The following FUT9 variants were observed in gnomAD, a reference collection of about 807,000 sequenced individuals.
The protein encoded by FUT9 is fucosyltransferase 9, also known as 4-galactosyl-N-acetylglucosaminide 3-alpha-L-fucosyltransferase 9.
Under a neutral mutation model 29.7 loss-of-function variants are expected in FUT9, and 15 were observed. That is an observed-to-expected ratio of 0.51 (90% CI 0.34 to 0.78). FUT9 has a LOEUF of 0.78. Ranked by LOEUF, FUT9 falls within the 30% of genes least tolerant of loss-of-function variation. The pLI, the probability that FUT9 is intolerant of heterozygous loss-of-function variation, is 0.01. For missense variants in FUT9, 319 were observed against 425.4 expected, an observed-to-expected ratio of 0.75 and a Z score of 2.20; for synonymous variants, 169 against 153.7, an observed-to-expected ratio of 1.10 and a Z score of -0.74.
In FUT9 at chr6:96,109,993, G is replaced by A. The variant is rs1771767356; in HGVS notation, c.-97-4046G>A. Reference sequence around the variant, plus strand: ...TGAACATGCAGTGCTTGTTACTGTCGTGGGACTTTGCACTTTGTGTCTACT... The same window carrying A: ...TGAACATGCAGTGCTTGTTACTGTCATGGGACTTTGCACTTTGTGTCTACT... On this transcript the variant is annotated intron_variant, in intron 1 of 2. Coordinates refer to ENST00000302103, the MANE Select transcript of FUT9 (RefSeq NM_006581.4). Among the ~76,000 whole-genome samples, 3 of 152,092 alleles carry A rather than the reference G, an allele frequency of 2.0e-5. No homozygotes were observed. The South Asian group carries it at 6.2e-4, about 32-fold the overall frequency.
intron 2 of FUT9, among the ~76,000 whole-genome samples, chr6:96,159,842 T>C (rs1377543385): frequency 6.6e-6 from 1 of 152,216 alleles, no homozygotes; most frequent in African/African-American, 2.4e-5. Flanking sequence ...ACTGTCTTGA[T>C]AAACTGCATC....
intron 2 of FUT9, among the ~76,000 whole-genome samples, chr6:96,161,726 T>C (rs1471058875): frequency 1.3e-5 from 2 of 152,204 alleles, no homozygotes; most frequent in Non-Finnish European, 2.9e-5. Flanking sequence ...GTATTATACA[T>C]TATGCAGATA....
intron 1 of FUT9, among the ~76,000 whole-genome samples, chr6:96,042,098 C>T (rs1009853938): frequency 1.3e-5 from 2 of 152,094 alleles, no homozygotes; most frequent in African/African-American, 2.4e-5. Context: ...CCCACCATCC[C>T]GACATCCCTA....
intron 2 of FUT9, among the ~76,000 whole-genome samples, chr6:96,152,944 G>A (rs548218112): frequency 6.6e-6 from 1 of 152,292 alleles, no homozygotes; most frequent in African/African-American, 2.4e-5. Flanking sequence ...CCTCACAGAG[G>A]ATAGGCAAAC....
At chr6:96,058,587 T>C (rs1008469152) in intron 1 of FUT9, among the ~76,000 whole-genome samples, 3 of 151,158 alleles carry the variant, frequency 2.0e-5, no homozygotes, top group Non-Finnish European at 4.4e-5. Context: ...GCTAAATGCA[T>C]AATAATTTCA....
At chr6:96,200,919 A>G (rs1773716137) in intron 2 of FUT9, among the ~76,000 whole-genome samples, 1 of 151,990 alleles carries the variant, frequency 6.6e-6, no homozygotes, top group Non-Finnish European at 1.5e-5. Context: ...ATCTATTTCT[A>G]ATATTTATTA....
In FUT9 at chr6:96,210,640, A is replaced by G. The variant is rs1312846716; in HGVS notation, c.*6405A>G. 6.0e-6 allele frequency: 1 copy of G among 166,922 alleles called. No homozygotes were observed. The highest frequency in any genetic ancestry group is 6.6e-5 in the Admixed American group (1 of 15,248). 10.3% of individuals were successfully genotyped at this position (166,922 alleles called of 1,614,324 possible). A position where few individuals can be genotyped will look rare whatever the true frequency, so the allele number is the denominator to read the frequency against. ...AATTTGCTTTCTAGGTTCTAACTGCATGTTTATATTTTGCAACAGGAAAGA... is the reference window on the plus strand; with the variant it reads ...AATTTGCTTTCTAGGTTCTAACTGCGTGTTTATATTTTGCAACAGGAAAGA... On this transcript the variant is annotated 3_prime_UTR_variant, in exon 3 of 3. Coordinates refer to ENST00000302103, the MANE Select transcript of FUT9 (RefSeq NM_006581.4).
intron 2 of FUT9, among the ~76,000 whole-genome samples, chr6:96,176,762 C>T (rs1460738506): frequency 2.6e-5 from 4 of 152,064 alleles, no homozygotes; most frequent in Non-Finnish European, 5.9e-5. Context: ...GGTTCTGCGG[C>T]CGGGATAATT....
At chr6:96,113,248 C>CT (rs751961829) in intron 1 of FUT9, among the ~76,000 whole-genome samples, 92 of 151,672 alleles carry the variant, frequency 6.1e-4, no homozygotes, top group Middle Eastern at 3.4e-3. Flanking sequence ...TATTCAATAA[C>CT]TTTTTTTTGA....
At chr6:96,066,299 T>C (rs1366651535) in intron 1 of FUT9, among the ~76,000 whole-genome samples, 2 of 151,818 alleles carry the variant, frequency 1.3e-5, no homozygotes, top group Non-Finnish European at 2.9e-5. Flanking sequence ...ATTTAATACA[T>C]TTGTATATCA....
chr6:96,019,857 A>C lies in FUT9; in HGVS notation c.-98+3645A>C, dbSNP rs547511046. On this transcript the variant is annotated intron_variant, in intron 1 of 2. Coordinates refer to ENST00000302103, the MANE Select transcript of FUT9 (RefSeq NM_006581.4). Reference sequence around the variant, plus strand: ...TACTAATGACTTGCTCAAAGTTTCAAAGTAGTTAATAGAAACAGAATTCAA... The same window carrying C: ...TACTAATGACTTGCTCAAAGTTTCACAGTAGTTAATAGAAACAGAATTCAA... Among the ~76,000 whole-genome samples the C allele has an allele frequency of 2.0e-5, 3 of 152,236 alleles. No homozygotes were observed. The South Asian group carries it at 6.2e-4, about 32-fold the overall frequency.
intron 2 of FUT9, among the ~76,000 whole-genome samples, chr6:96,125,510 T>C (rs1772117854): frequency 6.6e-6 from 1 of 152,214 alleles, no homozygotes; most frequent in South Asian, 2.1e-4. Context: ...AGTCACTGTG[T>C]CGGCACTTAA....
chr6:96,200,866 A>T (rs1773715231), intron 2 of FUT9, among the ~76,000 whole-genome samples: 1 of 152,110 alleles, frequency 6.6e-6, no homozygotes, highest in Non-Finnish European at 1.5e-5. Flanking sequence ...TTAGGATCAA[A>T]TGCAACTAAA....
chr6:96,038,503 A>T (rs530917607), intron 1 of FUT9, among the ~76,000 whole-genome samples: 6 of 152,220 alleles, frequency 3.9e-5, no homozygotes, highest in South Asian at 2.1e-4. Context: ...CTTCCTTTAA[A>T]TTTTTTCTAT....
chr6:96,154,042 T>C (rs1772730206), intron 2 of FUT9, among the ~76,000 whole-genome samples: 2 of 152,156 alleles, frequency 1.3e-5, no homozygotes, highest in Admixed American at 6.5e-5. Flanking sequence ...TCAATATGAG[T>C]GAGAGGAAAA....
chr6:96,017,199 G>A (rs1294975477), intron 1 of FUT9, among the ~76,000 whole-genome samples: 1 of 152,154 alleles, frequency 6.6e-6, no homozygotes, highest in Non-Finnish European at 1.5e-5. Flanking sequence ...CTTTGAAATT[G>A]CAATAAGCCA....
In FUT9 at chr6:96,195,742, T is replaced by G. The variant is rs1054687169; in HGVS notation, c.-8-7406T>G. ...TTAGCATAAAAATTGTAGCCAGGAGTAAAAGCAAAATAAAACAATAACCAA... is the reference window on the plus strand; with the variant it reads ...TTAGCATAAAAATTGTAGCCAGGAGGAAAAGCAAAATAAAACAATAACCAA... On this transcript the variant is annotated intron_variant, in intron 2 of 2. Coordinates refer to ENST00000302103, the MANE Select transcript of FUT9 (RefSeq NM_006581.4). Among the ~76,000 whole-genome samples the G allele has an allele frequency of 2.6e-5, 4 of 151,996 alleles. No individual in the cohort carries two copies. The East Asian group carries it at 7.7e-4, about 29-fold the overall frequency.
At chr6:96,094,486 T>C (rs1049361814) in intron 1 of FUT9, among the ~76,000 whole-genome samples, 2 of 152,140 alleles carry the variant, frequency 1.3e-5, no homozygotes, top group African/African-American at 4.8e-5. Context: ...AATCGTATGC[T>C]GAGGTTGCAA....
chr6:96,060,623 G>T (rs2127943567), intron 1 of FUT9, among the ~76,000 whole-genome samples: 1 of 151,018 alleles, frequency 6.6e-6, no homozygotes, highest in Non-Finnish European at 1.5e-5. Context: ...TGCAACCTCT[G>T]CCTCCCAGGC....
Sources: gnomAD v4.1 joint callset for allele counts (sites outside exome capture counted in the v4.1 genomes callset) on GRCh38, gnomAD v4.1.1 for gene constraint, MANE v1.5 for transcripts, NCBI Gene and HGNC (gene_info 2026-07-23, HGNC 2026-07-21) for gene names.